The following C4BPA variants were observed in gnomAD, a reference collection of about 807,000 sequenced individuals.
The protein encoded by C4BPA is C4b-binding protein alpha chain.
Under a neutral mutation model 63.7 loss-of-function variants are expected in C4BPA, and 31 were observed. The ratio of observed to expected loss-of-function variants is 0.49; its 90% CI spans 0.37 to 0.66. The LOEUF (loss-of-function observed/expected upper bound fraction) is 0.66. C4BPA is among the 30% of genes least tolerant of loss of function. C4BPA has a pLI of 0.00. For synonymous variants in C4BPA, 259 were observed against 254.7 expected, an observed-to-expected ratio of 1.02 and a Z score of -0.16; for missense variants, 572 against 723.3, an observed-to-expected ratio of 0.79 and a Z score of 2.40.
Position 207,111,077 on chromosome 1 carries a change from T to C in C4BPA, c.-25-1924T>C, listed in dbSNP as rs114509439. On this transcript the variant is annotated intron_variant, in intron 1 of 11. Coordinates refer to ENST00000367070, the MANE Select transcript of C4BPA (RefSeq NM_000715.4). ...ACATATCTTATTGGGTGGGAGAAAT[T>C]TGTCACATTTTATGAATTTCACAGA... is the stretch of plus-strand genomic sequence containing the variant. Among the ~76,000 whole-genome samples, 1,339 of 152,308 alleles carry C rather than the reference T, an allele frequency of 8.8e-3. 7 individuals carry two copies. The highest frequency in any genetic ancestry group is 0.023 in the African/African-American group (962 of 41,552).
Position 207,144,684 on chromosome 1 carries a change from C to T in C4BPA, c.1761C>T (p.Ser587=), listed in dbSNP as rs762923928. The change falls in exon 12 of 12, where the codon AGC becomes AGT. Residue 587 remains serine (S), a synonymous_variant. Transcript: ENST00000367070. ...AACAACTGGAACTACAGAGAGACAGCGCAAGACAATCCACTTTGGATAAAG... is the reference window on the plus strand; with the variant it reads ...AACAACTGGAACTACAGAGAGACAGTGCAAGACAATCCACTTTGGATAAAG... ...EIEQLELQRD[S]ARQSTLDKEL is the part of the protein sequence containing the mutation. The T allele has an allele frequency of 1.4e-5, 23 of 1,609,788 alleles. No individual in the cohort carries two copies. Among genetic ancestry groups the T allele is most frequent in the Admixed American group, 1.2e-4 (7 of 59,048 alleles).
Position 207,144,712 on chromosome 1 carries a change from C to G in C4BPA, c.1789C>G (p.Leu597Val), listed in dbSNP as rs757096714. 6 of 1,596,256 alleles carry G rather than the reference C, an allele frequency of 3.8e-6. No homozygotes were observed. The highest frequency in any genetic ancestry group is 5.1e-6 in the Non-Finnish European group (6 of 1,170,968). ...SARQSTLDKE[L>V] ...AAGACAATCCACTTTGGATAAAGAA[C>G]TATAATTTTTCTCAAAAGAAGGAGG... The change falls in exon 12 of 12, where the codon CTA becomes GTA. Residue 597 changes from leucine (L) to valine (V), a missense_variant. Leu to Val is a conservative substitution (Grantham distance 32). Transcript: ENST00000367070.
intron 9 of C4BPA, among the ~76,000 whole-genome samples, chr1:207,139,129 C>G (rs1398537069): frequency 6.6e-6 from 1 of 152,178 alleles, no homozygotes; most frequent in Non-Finnish European, 1.5e-5. Context: ...CATGTATATG[C>G]AAACTGTTTC....
At position 207,126,819 on chromosome 1, in the gene C4BPA, T is replaced by C. The variant is rs778354731; in HGVS notation, c.813T>C (p.Phe271=). ...TTGTGTTTAAGTGCCAAAAAGGTTT[T>C]GTTCTCAGAGGCAGCAGTGTAATTC... ...DTIVFKCQKG[F]VLRGSSVIHC... Residue 271 remains phenylalanine, a synonymous_variant, in exon 7 of 12, where the codon TTT becomes TTC. Transcript: ENST00000367070. 14 of 1,613,484 alleles carry C rather than the reference T, an allele frequency of 8.7e-6. No homozygotes were observed. The highest frequency in any genetic ancestry group is 2.2e-5 in the East Asian group (1 of 44,854).
At chr1:207,126,247 C>T (rs1685041363) in intron 6 of C4BPA, among the ~76,000 whole-genome samples, 1 of 147,508 alleles carries the variant, frequency 6.8e-6, no homozygotes, top group Non-Finnish European at 1.5e-5. Flanking sequence ...CACACACATA[C>T]ATATGTGTAT....
At chr1:207,141,982 C>A (rs1391689691) in intron 10 of C4BPA, among the ~76,000 whole-genome samples, 1 of 152,122 alleles carries the variant, frequency 6.6e-6, no homozygotes, top group East Asian at 1.9e-4. Context: ...AGTTTTGTTA[C>A]AAAAGTATAC....
intron 1 of C4BPA, among the ~76,000 whole-genome samples, chr1:207,112,744 T>C (rs1401486600): frequency 6.6e-6 from 1 of 152,178 alleles, no homozygotes; most frequent in African/African-American, 2.4e-5. Flanking sequence ...TCAGTATACC[T>C]AGTGCAGATG....
chr1:207,116,366 G>GCT (rs1553255884), intron 4 of C4BPA, among the ~76,000 whole-genome samples: 1 of 151,436 alleles, frequency 6.6e-6, no homozygotes, highest in African/African-American at 2.4e-5. Context: ...CCTGGTTGTT[G>GCT]TTTTTTTTCC....
At chr1:207,125,199 A>G (rs949089994) in intron 6 of C4BPA, among the ~76,000 whole-genome samples, 31 of 152,238 alleles carry the variant, frequency 2.0e-4, no homozygotes, top group African/African-American at 7.0e-4. Flanking sequence ...TAGATCTGCA[A>G]CAAGTGAAAG....
intron 10 of C4BPA, among the ~76,000 whole-genome samples, chr1:207,141,924 A>T (rs1332835722): frequency 6.6e-6 from 1 of 151,670 alleles, no homozygotes; most frequent in Non-Finnish European, 1.5e-5. Flanking sequence ...CAAGAAGGAA[A>T]TTTTTTTTAT....
At chr1:207,139,018 G>T (rs1037780378) in intron 9 of C4BPA, among the ~76,000 whole-genome samples, 1 of 152,144 alleles carries the variant, frequency 6.6e-6, no homozygotes, top group Admixed American at 6.5e-5. Context: ...GTCATGTTCT[G>T]TGGATATCCA....
chr1:207,144,160 T>C lies in C4BPA; in HGVS notation c.1620+167T>C, dbSNP rs529888332. Among the ~76,000 whole-genome samples the C allele has an allele frequency of 2.1e-4, 32 of 152,232 alleles. 1 individual carries two copies. The Middle Eastern group carries it at 0.027, about 129-fold the overall frequency. On this transcript the variant is annotated intron_variant, in intron 11 of 11. Coordinates refer to ENST00000367070, the MANE Select transcript of C4BPA (RefSeq NM_000715.4). Reference sequence around the variant, plus strand: ...TTTTGTCTTGAAGCATTCTGGTAAGTTAGGGGTGGCAAGTTCTCCTGTTCT... The same window carrying C: ...TTTTGTCTTGAAGCATTCTGGTAAGCTAGGGGTGGCAAGTTCTCCTGTTCT...
At chr1:207,131,790 C>T in intron 8 of C4BPA, 50 bp downstream of exon 8, 2 of 1,181,318 alleles carry the variant, frequency 1.7e-6, no homozygotes, top group South Asian at 1.4e-5. Context: ...CCAGTATGTG[C>T]TAGGATTCTC....
intron 3 of C4BPA, chr1:207,114,608 C>G (rs1452858287): frequency 4.2e-6 from 1 of 237,790 alleles, no homozygotes; most frequent in Non-Finnish European, 8.1e-6. Flanking sequence ...ACTCTCCTGC[C>G]TCAGCCTCCT....
chr1:207,116,516 ATG>A (rs57449727), intron 4 of C4BPA, among the ~76,000 whole-genome samples: 8,875 of 79,698 alleles, frequency 0.11, 621 homozygotes, highest in African/African-American at 0.24. Context: ...GTGTGTGTAT[ATG>A]TGTGTGTGTG....
chr1:207,124,392 T>A (rs1207235798), intron 6 of C4BPA, 26 bp downstream of exon 6: 1 of 1,534,810 alleles, frequency 6.5e-7, no homozygotes, highest in Admixed American at 1.8e-5. Context: ...GAATTCTGCA[T>A]CAAAATGTTT....
chr1:207,135,158 G>A (rs940373011), intron 9 of C4BPA, among the ~76,000 whole-genome samples: 1 of 152,040 alleles, frequency 6.6e-6, no homozygotes, highest in African/African-American at 2.4e-5. Context: ...CCAATATGGC[G>A]AAACCTGGTC....
At position 207,134,465 on chromosome 1, in the gene C4BPA, T is replaced by C. The variant is rs753605043; in HGVS notation, c.1146T>C (p.Arg382=). ...NGEITQHRKS[R]PANHCVYFYG... ...AAATCACTCAACACAGGAAAAGTCGTCCTGCCAATCACTGTGTTTATTTCT... is the reference window on the plus strand; with the variant it reads ...AAATCACTCAACACAGGAAAAGTCGCCCTGCCAATCACTGTGTTTATTTCT... Residue 382 remains arginine (R), a synonymous_variant, in exon 9 of 12, where the codon CGT becomes CGC. Transcript: ENST00000367070. 6.2e-7 allele frequency: 1 copy of C among 1,613,894 alleles called. No individual in the cohort carries two copies. Among genetic ancestry groups the C allele is most frequent in the South Asian group, 1.1e-5 (1 of 91,076 alleles).
chr1:207,104,518 C>T (rs1165474595), intron 1 of C4BPA, 88 bp downstream of exon 1: 1 of 152,342 alleles, frequency 6.6e-6, no homozygotes, highest in East Asian at 1.9e-4. Flanking sequence ...AAGGATAAAA[C>T]AGAGACAAAA....
Sources: gnomAD v4.1 joint callset for allele counts (sites outside exome capture counted in the v4.1 genomes callset) on GRCh38, gnomAD v4.1.1 for gene constraint, MANE v1.5 for transcripts, NCBI Gene and HGNC (gene_info 2026-07-23, HGNC 2026-07-21) for gene names.